The following DZIP3 variants were observed in gnomAD, a reference collection of about 807,000 sequenced individuals.
DZIP3 encodes the protein E3 ubiquitin-protein ligase DZIP3.
A neutral mutation model predicts 162.0 loss-of-function variants in DZIP3; 118 were observed. The ratio of observed to expected loss-of-function variants is 0.73; its 90% CI spans 0.63 to 0.85. The LOEUF (loss-of-function observed/expected upper bound fraction) is 0.85, where lower values mean the gene tolerates loss of function less well. Ranked by LOEUF, DZIP3 falls within the 40% of genes least tolerant of loss-of-function variation. The pLI is 0.00. For synonymous variants in DZIP3, 438 were observed against 458.6 expected (o/e 0.96, Z 0.57); for missense variants, 1,331 against 1,407.0 (o/e 0.95, Z 0.86).
chr3:108,640,111 C>G (rs1942323395), intron 12 of DZIP3, among the ~76,000 whole-genome samples: 1 of 151,836 alleles, frequency 6.6e-6, no homozygotes, highest in East Asian at 1.9e-4. Flanking sequence ...AGTTTAATTC[C>G]TTTGCAATAA....
Position 108,688,023 on chromosome 3 carries a change from A to C in DZIP3, c.3197A>C (p.Lys1066Thr), listed in dbSNP as rs1219738351. The change falls in exon 29 of 33, where the codon AAA (lysine) becomes ACA (threonine). Residue 1066 changes from lysine (K) to threonine (T), a missense_variant. Transcript: ENST00000361582. ...FLRKLKDAYG[K>T]SLSELTFDEI... is the part of the protein sequence containing the mutation. ...CGGAAATTGAAGGATGCTTATGGAA[A>C]ATCCTTGTCTGAACTGACATTTGAT... The C allele has an allele frequency of 6.2e-7, 1 of 1,613,684 alleles. No homozygotes were observed. The highest frequency in any genetic ancestry group is 8.5e-7 in the Non-Finnish European group (1 of 1,179,774).
chr3:108,666,238 A>T (rs930628570), intron 21 of DZIP3, among the ~76,000 whole-genome samples: 18 of 151,938 alleles, frequency 1.2e-4, no homozygotes, highest in Admixed American at 2.0e-4. Flanking sequence ...GATGTTTATT[A>T]AAAAAAAGTA....
At chr3:108,668,477 C>T (rs773063232) in intron 21 of DZIP3, among the ~76,000 whole-genome samples, 1 of 151,850 alleles carries the variant, frequency 6.6e-6, no homozygotes, top group Non-Finnish European at 1.5e-5. Flanking sequence ...TCTGAATTCC[C>T]CACTAGTTAT....
At chr3:108,616,424 GTCTT>G (rs1941017504) in intron 4 of DZIP3, 113 bp from the exon 5 acceptor site, 1 of 633,068 alleles carries the variant, frequency 1.6e-6, no homozygotes, top group East Asian at 3.1e-5. Context: ...TTTTTAAACC[GTCTT>G]TATCTCTATT....
rs776787163 is a variant in DZIP3 at position 108,648,013 on chromosome 3, T to C, written c.1863T>C (p.Asn621=). 5.6e-6 allele frequency: 9 copies of C among 1,611,628 alleles called. No individual in the cohort carries two copies. The highest frequency in any genetic ancestry group is 1.3e-5 in the African/African-American group (1 of 74,762). ...LSPPLMEYNI[N]VKSHPEIQFA... is the part of the protein sequence containing the mutation. ...CACCTCTCATGGAGTACAATATAAA[T>C]GTGAAATCACACCCTGAGATACAGT... The change falls in exon 16 of 33, where the codon AAT becomes AAC. Residue 621 remains asparagine (N), a synonymous_variant. Coordinates refer to ENST00000361582, the MANE Select transcript of DZIP3 (RefSeq NM_014648.4).
intron 1 of DZIP3, among the ~76,000 whole-genome samples, chr3:108,601,309 A>G (rs960839953): frequency 6.6e-6 from 1 of 152,004 alleles, no homozygotes; most frequent in African/African-American, 2.4e-5. Context: ...CATCTGGTGG[A>G]TGGAGGCTAG....
intron 26 of DZIP3, among the ~76,000 whole-genome samples, chr3:108,681,525 T>A (rs1944309331): frequency 6.6e-6 from 1 of 152,142 alleles, no homozygotes; most frequent in African/African-American, 2.4e-5. Flanking sequence ...AGTGTGACGA[T>A]TCCTCAAGGG....
chr3:108,604,513 A>G (rs544771706), intron 1 of DZIP3, among the ~76,000 whole-genome samples: 4 of 152,192 alleles, frequency 2.6e-5, no homozygotes, highest in African/African-American at 4.8e-5. Context: ...ATAAATAGCT[A>G]TGTAAATAAA....
intron 2 of DZIP3, among the ~76,000 whole-genome samples, chr3:108,606,161 G>A (rs1940359357): frequency 6.6e-6 from 1 of 152,188 alleles, no homozygotes; most frequent in Admixed American, 6.6e-5. Context: ...AGTGAGTGCT[G>A]TTATTATCCC....
chr3:108,644,776 A>C lies in DZIP3; in HGVS notation c.1754A>C (p.Gln585Pro), dbSNP rs1559753577. ...EIIQRMLSCY[Q>P]QGIALQSITG... ...ATACAGAGGATGTTATCCTGCTATC[A>C]ACAAGGTACTAAATGATTATTTACT... The change falls in exon 14 of 33, where the codon CAA becomes CCA. Residue 585 changes from glutamine (Q) to proline (P), a missense_variant. Physicochemically the swap from Gln to Pro is moderately conservative, Grantham distance 76. Around this residue, in one of 2 missense-constraint regions of DZIP3, gnomAD observed 1,278 missense variants for 1,317.1 expected, o/e 0.97. Coordinates refer to ENST00000361582, the MANE Select transcript of DZIP3 (RefSeq NM_014648.4). 1 of 1,597,338 alleles carries C rather than the reference A, an allele frequency of 6.3e-7. No homozygotes were observed. Among genetic ancestry groups the C allele is most frequent in the Non-Finnish European group, 8.5e-7 (1 of 1,174,460 alleles).
intron 28 of DZIP3, among the ~76,000 whole-genome samples, chr3:108,686,854 G>C (rs1376723284): frequency 2.0e-5 from 3 of 152,094 alleles, no homozygotes; most frequent in Non-Finnish European, 4.4e-5. Context: ...ACAACTAGAT[G>C]TAAACTTACC....
chr3:108,634,398 G>C (rs1242342072), intron 9 of DZIP3, among the ~76,000 whole-genome samples: 1 of 152,152 alleles, frequency 6.6e-6, no homozygotes, highest in East Asian at 1.9e-4. Context: ...GGTACAGTGG[G>C]AAAGACAAGC....
At chr3:108,655,553 T>C (rs2107256288) in intron 19 of DZIP3, among the ~76,000 whole-genome samples, 1 of 152,278 alleles carries the variant, frequency 6.6e-6, no homozygotes, top group South Asian at 2.1e-4. Context: ...AGCTCCAGTC[T>C]ACAGCTCCCA....
chr3:108,623,528 G>A (rs1280148995), intron 5 of DZIP3, among the ~76,000 whole-genome samples: 2 of 152,152 alleles, frequency 1.3e-5, no homozygotes, highest in East Asian at 1.9e-4. Flanking sequence ...AGGCAAAATC[G>A]TCTTTACTCT....
At chr3:108,656,150 T>C (rs1943107410) in intron 19 of DZIP3, among the ~76,000 whole-genome samples, 1 of 152,164 alleles carries the variant, frequency 6.6e-6, no homozygotes, top group South Asian at 2.1e-4. Context: ...AGAGTAGTGG[T>C]TCTCCCAGCA....
intron 32 of DZIP3, among the ~76,000 whole-genome samples, chr3:108,691,991 C>A (rs1160231776): frequency 6.6e-6 from 1 of 152,088 alleles, no homozygotes; most frequent in East Asian, 1.9e-4. Flanking sequence ...TTACTCTTCA[C>A]GGAACACTCC....
At chr3:108,603,743 A>C (rs1367954394) in intron 1 of DZIP3, among the ~76,000 whole-genome samples, 1 of 152,168 alleles carries the variant, frequency 6.6e-6, no homozygotes, top group Non-Finnish European at 1.5e-5. Context: ...CTTGTCTCTT[A>C]ATACTTTCTG....
At chr3:108,627,500 C>A (rs1302677742) in intron 7 of DZIP3, among the ~76,000 whole-genome samples, 3 of 152,184 alleles carry the variant, frequency 2.0e-5, no homozygotes, top group Non-Finnish European at 2.9e-5. Flanking sequence ...AACCTTCTCA[C>A]TTCCTTGACT....
chr3:108,632,557 G>A (rs955573234), intron 8 of DZIP3, among the ~76,000 whole-genome samples: 10 of 152,218 alleles, frequency 6.6e-5, no homozygotes, highest in Admixed American at 5.9e-4. Context: ...TGACCTACAG[G>A]TTGCTTCCAG....
Sources: gnomAD v4.1 joint callset for allele counts (sites outside exome capture counted in the v4.1 genomes callset) on GRCh38, gnomAD v4.1.1 for gene constraint, gnomAD v4.1.1 regional missense constraint, MANE v1.5 for transcripts, NCBI Gene and HGNC (gene_info 2026-07-23, HGNC 2026-07-21) for gene names.